Variants in ZNF282 observed in about 807,000 individuals in gnomAD.
The protein encoded by ZNF282 is zinc finger protein 282.
ZNF282 carries 30 observed loss-of-function variants against 61.9 expected under a neutral mutation model. The observed-to-expected ratio is 0.48, with a 90% CI of 0.36 to 0.66. The LOEUF (loss-of-function observed/expected upper bound fraction) is 0.66, where lower values mean the gene tolerates loss of function less well. Ranked by LOEUF, ZNF282 falls within the 30% of genes least tolerant of loss-of-function variation. The probability of loss-of-function intolerance (pLI) is 0.00; values close to 1 mark genes in which losing one functional copy is unlikely to be tolerated. For synonymous variants in ZNF282, 396 were observed against 405.0 expected (o/e 0.98, Z 0.27); for missense variants, 788 against 941.4 (o/e 0.84, Z 2.13).
chr7:149,206,505 G>A (rs13221837), intron 2 of ZNF282, 191 bp from the exon 3 acceptor site: 461,203 of 744,928 alleles, frequency 0.62, 151,191 homozygotes, highest in East Asian at 0.93. Context: ...TTGACCATCC[G>A]TGTTATTGAA....
chr7:149,210,465 T>G, intron 4 of ZNF282, 120 bp from the exon 5 acceptor site: 1 of 1,511,708 alleles, frequency 6.6e-7, no homozygotes, highest in South Asian at 1.2e-5. Flanking sequence ...GCCCAGAATG[T>G]CCTGGTGACC....
chr7:149,223,747 CG>C, intron 7 of ZNF282, 64 bp from the exon 8 acceptor site: 1 of 1,392,482 alleles, frequency 7.2e-7, no homozygotes. Context: ...GGCCCCCCTT[CG>C]GGAGCAGTGT....
intron 2 of ZNF282, among the ~76,000 whole-genome samples, chr7:149,204,763 G>GAGACAGC (rs1423183123): frequency 2.0e-5 from 3 of 152,192 alleles, no homozygotes; most frequent in African/African-American, 7.2e-5. Flanking sequence ...AAGCAGCCGT[G>GAGACAGC]AGACAGCGGT....
intron 7 of ZNF282, among the ~76,000 whole-genome samples, chr7:149,218,330 A>G (rs1320652297): frequency 6.6e-6 from 1 of 152,050 alleles, no homozygotes; most frequent in Non-Finnish European, 1.5e-5. Context: ...GCACTTTGAG[A>G]GTGTCACTCA....
rs2129523392 is a variant in ZNF282 at position 149,210,641 on chromosome 7, A to G, written c.889A>G (p.Thr297Ala). Reference protein sequence around the residue: ...DASSQVKREDTLCVRGQRGLE... With the variant: ...DASSQVKREDALCVRGQRGLE... ...GTCCTCCCAGGTGAAGCGTGAGGAC[A>G]CCCTGTGTGTCCGGGGTCAGCGGGG... Residue 297 changes from threonine to alanine, a missense_variant, in exon 5 of 8, where the codon ACC (threonine) becomes GCC (alanine). Physicochemically the swap from Thr to Ala is moderately conservative, Grantham distance 58. Around this residue, in one of 3 missense-constraint regions of ZNF282, gnomAD observed 559 missense variants for 642.0 expected, o/e 0.87. Transcript: ENST00000610704. 1.2e-6 allele frequency: 2 copies of G among 1,612,120 alleles called. No homozygotes were observed. Among genetic ancestry groups the G allele is most frequent in the South Asian group, 1.1e-5 (1 of 90,508 alleles).
At chr7:149,200,264 G>A (rs142607090) in intron 2 of ZNF282, among the ~76,000 whole-genome samples, 8 of 152,236 alleles carry the variant, frequency 5.3e-5, no homozygotes, top group Non-Finnish European at 7.4e-5. Context: ...TCTCTGGAAC[G>A]CACTCTGATC....
chr7:149,222,848 A>G (rs1017159334), intron 7 of ZNF282, among the ~76,000 whole-genome samples: 6 of 151,952 alleles, frequency 3.9e-5, no homozygotes, highest in African/African-American at 7.3e-5. Context: ...GGGTTTCACT[A>G]TGTTGGGCAG....
At chr7:149,219,029 G>T (rs953303951) in intron 7 of ZNF282, among the ~76,000 whole-genome samples, 3 of 152,192 alleles carry the variant, frequency 2.0e-5, no homozygotes, top group African/African-American at 7.2e-5. Flanking sequence ...GGCGTTCCGA[G>T]TTTCTGTTGG....
intron 7 of ZNF282, among the ~76,000 whole-genome samples, chr7:149,220,806 G>A (rs1356404067): frequency 6.6e-6 from 1 of 152,146 alleles, no homozygotes; most frequent in African/African-American, 2.4e-5. Context: ...GGGTTGGGGG[G>A]GAGGGGCGTA....
At chr7:149,215,859 A>G (rs1033478978) in intron 7 of ZNF282, among the ~76,000 whole-genome samples, 1 of 152,164 alleles carries the variant, frequency 6.6e-6, no homozygotes, top group Non-Finnish European at 1.5e-5. Context: ...GAACTAGTGC[A>G]TCTGACCTGG....
chr7:149,210,653 C>G lies in ZNF282; in HGVS notation c.901C>G (p.Arg301Gly), dbSNP rs751202747. ...QVKREDTLCV[R>G]GQRGLEERAI... ...GAAGCGTGAGGACACCCTGTGTGTC[C>G]GGGGTCAGCGGGGCCTGGAGGAAAG... is the stretch of plus-strand genomic sequence containing the variant. The change falls in exon 5 of 8, where the codon CGG becomes GGG. Residue 301 changes from arginine to glycine, a missense_variant. Transcript: ENST00000610704. 8.1e-6 allele frequency: 13 copies of G among 1,610,372 alleles called. No individual in the cohort carries two copies. In the South Asian group the frequency reaches 1.4e-4, roughly 18 times the overall value.
intron 2 of ZNF282, among the ~76,000 whole-genome samples, chr7:149,205,313 C>T (rs1795975590): frequency 6.6e-6 from 1 of 151,994 alleles, no homozygotes. Context: ...TGGCAAGCGC[C>T]TGTAATCCCA....
At chr7:149,220,384 C>T (rs1796224887) in intron 7 of ZNF282, among the ~76,000 whole-genome samples, 1 of 152,024 alleles carries the variant, frequency 6.6e-6, no homozygotes, top group African/African-American at 2.4e-5. Context: ...TGCACTCCAG[C>T]CTGCGCAACT....
chr7:149,204,463 G>A (rs1287395783), intron 2 of ZNF282, among the ~76,000 whole-genome samples: 1 of 152,120 alleles, frequency 6.6e-6, no homozygotes, highest in African/African-American at 2.4e-5. Context: ...TTGAGGGAAG[G>A]TTTTTCTGAG....
chr7:149,205,992 C>T (rs562169071), intron 2 of ZNF282, among the ~76,000 whole-genome samples: 12 of 152,078 alleles, frequency 7.9e-5, no homozygotes, highest in Non-Finnish European at 1.6e-4. Context: ...AAGTTGAGGT[C>T]GTGCTGGTGA....
intron 7 of ZNF282, among the ~76,000 whole-genome samples, chr7:149,221,696 C>T (rs1563181334): frequency 6.6e-6 from 1 of 152,216 alleles, no homozygotes; most frequent in African/African-American, 2.4e-5. Flanking sequence ...GGCCTCTGCA[C>T]CTGGCCAGTG....
At position 149,224,565 on chromosome 7, in the gene ZNF282, T is replaced by G. The variant is rs2129523818; in HGVS notation, c.1934T>G (p.Leu645Arg). ...CGKSFRYKES[L>R]KDHLRVHSGG... ...AAGAGCTTCCGCTACAAGGAGTCGC[T>G]CAAGGACCACCTGCGCGTGCACAGC... is the stretch of plus-strand genomic sequence containing the variant. The change falls in exon 8 of 8, where the codon CTC (leucine) becomes CGC (arginine). Residue 645 changes from leucine to arginine, a missense_variant. By Grantham distance (102) the Leu-to-Arg change is moderately radical (BLOSUM62 -2). This residue lies in a region of ZNF282 where 559 missense variants were observed against 642.0 expected (regional missense o/e 0.87). Transcript: ENST00000610704. 1.2e-6 allele frequency: 2 copies of G among 1,604,832 alleles called. No homozygotes were observed. Among genetic ancestry groups the G allele is most frequent in the African/African-American group, 1.3e-5 (1 of 74,960 alleles).
At chr7:149,209,878 C>T (rs114574831) in intron 4 of ZNF282, among the ~76,000 whole-genome samples, 6 of 152,262 alleles carry the variant, frequency 3.9e-5, no homozygotes, top group African/African-American at 7.2e-5. Flanking sequence ...GATAGGGTCT[C>T]GGAAACTGTG....
intron 2 of ZNF282, among the ~76,000 whole-genome samples, chr7:149,204,503 T>C (rs1177035648): frequency 6.6e-6 from 1 of 151,724 alleles, no homozygotes; most frequent in East Asian, 1.9e-4. Context: ...ACGGAGCCAG[T>C]AGAGAGGGAG....
Sources: gnomAD v4.1 joint callset for allele counts (sites outside exome capture counted in the v4.1 genomes callset) on GRCh38, gnomAD v4.1.1 for gene constraint, gnomAD v4.1.1 regional missense constraint, MANE v1.5 for transcripts, NCBI Gene and HGNC (gene_info 2026-07-23, HGNC 2026-07-21) for gene names.